Variants in PELI2 observed in about 807,000 individuals in gnomAD.
PELI2 encodes the protein pellino E3 ubiquitin protein ligase family member 2.
PELI2 carries 23 observed loss-of-function variants against 42.3 expected under a neutral mutation model. That is an observed-to-expected ratio of 0.54 (90% CI 0.39 to 0.77). The LOEUF (loss-of-function observed/expected upper bound fraction) is 0.77, where lower values mean the gene tolerates loss of function less well. Ranked by LOEUF, PELI2 falls within the 30% of genes least tolerant of loss-of-function variation. The pLI is 0.00. For missense variants in PELI2, 463 were observed against 553.2 expected, an observed-to-expected ratio of 0.84 and a Z score of 1.64; for synonymous variants, 245 against 212.2, an observed-to-expected ratio of 1.15 and a Z score of -1.34.
chr14:56,248,231 A>G (rs2139809262), intron 2 of PELI2, among the ~76,000 whole-genome samples: 1 of 152,362 alleles, frequency 6.6e-6, no homozygotes, highest in Middle Eastern at 3.4e-3. Context: ...TGCAACGAAC[A>G]TGTCATATGA....
intron 2 of PELI2, among the ~76,000 whole-genome samples, chr14:56,225,821 G>T (rs1453938852): frequency 6.6e-6 from 1 of 152,194 alleles, no homozygotes; most frequent in Non-Finnish European, 1.5e-5. Context: ...CCATGGTCTA[G>T]CATGTCACCA....
intron 1 of PELI2, chr14:56,119,900 G>A (rs1175995614): frequency 9.4e-6 from 9 of 960,378 alleles, no homozygotes; most frequent in African/African-American, 1.8e-5. Flanking sequence ...ATGGCTGTGG[G>A]AAGACTCAGG....
intron 1 of PELI2, 80 bp downstream of exon 1, chr14:56,118,817 C>T: frequency 1.0e-6 from 1 of 977,328 alleles, no homozygotes; most frequent in Non-Finnish European, 1.4e-6. Context: ...GGCGGGGTGG[C>T]TCGGTGCTCT....
intron 2 of PELI2, among the ~76,000 whole-genome samples, chr14:56,253,832 G>A (rs1888434231): frequency 6.6e-6 from 1 of 151,378 alleles, no homozygotes; most frequent in African/African-American, 2.4e-5. Context: ...ACAGAATTGG[G>A]AAAAAAAACT....
intron 2 of PELI2, among the ~76,000 whole-genome samples, chr14:56,276,718 A>G (rs775696251): frequency 1.8e-4 from 27 of 152,184 alleles, no homozygotes; most frequent in Non-Finnish European, 1.9e-4. Flanking sequence ...AGGCCTCCAA[A>G]TCACAGCCCT....
chr14:56,125,851 A>G (rs1011117496), intron 1 of PELI2, among the ~76,000 whole-genome samples: 1 of 151,956 alleles, frequency 6.6e-6, no homozygotes, highest in African/African-American at 2.4e-5. Flanking sequence ...TTTCTGGTGC[A>G]TGTTAGGTAC....
At chr14:56,227,726 A>G (rs766198540) in intron 2 of PELI2, among the ~76,000 whole-genome samples, 2 of 152,234 alleles carry the variant, frequency 1.3e-5, no homozygotes, top group African/African-American at 2.4e-5. Context: ...TCTGCCCAGA[A>G]AGGAACCAGG....
intron 2 of PELI2, among the ~76,000 whole-genome samples, chr14:56,246,269 C>G (rs149783169): frequency 2.6e-5 from 4 of 152,316 alleles, no homozygotes; most frequent in African/African-American, 9.6e-5. Context: ...ACAGCTGTAA[C>G]TGTTACAAGG....
At chr14:56,129,170 C>T (rs992018449) in intron 1 of PELI2, among the ~76,000 whole-genome samples, 2 of 152,202 alleles carry the variant, frequency 1.3e-5, no homozygotes, top group Admixed American at 6.5e-5. Context: ...TTATTGCAGA[C>T]TCTAGGTAGC....
chr14:56,240,324 A>G, intron 2 of PELI2, among the ~76,000 whole-genome samples: 1 of 151,828 alleles, frequency 6.6e-6, no homozygotes, highest in East Asian at 1.9e-4. Context: ...AAGGGGATGG[A>G]CTCCAGAGAT....
Position 56,279,713 on chromosome 14 carries a change from CT to C in PELI2, c.248del (p.Leu83CysfsTer110). Reference sequence around the variant, plus strand: ...AAAGGTCAACACAGTATATCCTACACTTTGTCAAGGAATCAGACTGTGGTGG... The same window carrying C: ...AAAGGTCAACACAGTATATCCTACACTTGTCAAGGAATCAGACTGTGGTGG... Reference protein sequence around the residue: ...SCKGQHSISYTLSRNQTVVVE... With the variant: ...SCKGQHSISYXLSRNQTVVVE... On this transcript the variant is annotated frameshift_variant, in exon 3 of 6. Transcript: ENST00000267460. LOFTEE classifies it high-confidence loss of function. 1 of 1,603,904 alleles carries C rather than the reference CT, an allele frequency of 6.2e-7. No homozygotes were observed. The highest frequency in any genetic ancestry group is 8.5e-7 in the Non-Finnish European group (1 of 1,171,156).
At chr14:56,122,566 T>C (rs1883100949) in intron 1 of PELI2, among the ~76,000 whole-genome samples, 1 of 152,072 alleles carries the variant, frequency 6.6e-6, no homozygotes, top group African/African-American at 2.4e-5. Flanking sequence ...TCCTCTCACC[T>C]CACAGTTGAA....
intron 1 of PELI2, among the ~76,000 whole-genome samples, chr14:56,133,911 A>G (rs901372314): frequency 1.3e-5 from 2 of 152,204 alleles, no homozygotes; most frequent in African/African-American, 4.8e-5. Context: ...TGGAAATATG[A>G]ACATTCTTAT....
intron 3 of PELI2, among the ~76,000 whole-genome samples, chr14:56,285,453 G>A (rs187343560): frequency 6.6e-6 from 1 of 152,222 alleles, no homozygotes; most frequent in African/African-American, 2.4e-5. Context: ...GTGGAGATTG[G>A]GTGTGCCGGT....
chr14:56,299,033 T>C lies in PELI2; in HGVS notation c.*1867T>C, dbSNP rs1382296467. 4 of 152,190 alleles carry C rather than the reference T, an allele frequency of 2.6e-5. No individual in the cohort carries two copies. Among genetic ancestry groups the C allele is most frequent in the Non-Finnish European group, 4.4e-5 (3 of 68,032 alleles). The allele number at this position is 152,190 out of a possible 1,614,324, so 9.4% of individuals were successfully genotyped here. The stretch of plus-strand genomic sequence containing the variant: ...GTCTCTGATGATTAGCTTTCACTGA[T>C]AGAGTATGTCTTTTCAGCCTGTAAT... On this transcript the variant is annotated 3_prime_UTR_variant, in exon 6 of 6. Coordinates refer to ENST00000267460, the MANE Select transcript of PELI2 (RefSeq NM_021255.3).
chr14:56,122,769 A>T (rs897038262), intron 1 of PELI2, among the ~76,000 whole-genome samples: 5 of 152,204 alleles, frequency 3.3e-5, no homozygotes, highest in Non-Finnish European at 7.3e-5. Flanking sequence ...ATTTTCATTC[A>T]CTTATGAGTG....
chr14:56,245,132 TA>T (rs1888105457), intron 2 of PELI2, among the ~76,000 whole-genome samples: 1 of 152,248 alleles, frequency 6.6e-6, no homozygotes, highest in South Asian at 2.1e-4. Context: ...AGGTTTCCAA[TA>T]AATTCCAAGC....
intron 1 of PELI2, 32 bp downstream of exon 1, chr14:56,118,769 G>A (rs1245145505): frequency 4.3e-6 from 6 of 1,410,574 alleles, no homozygotes; most frequent in Admixed American, 2.4e-5. Context: ...CCCGGGCAGC[G>A]GCGCGGGCGG....
chr14:56,173,948 C>G (rs1885273242), intron 1 of PELI2, among the ~76,000 whole-genome samples: 1 of 152,212 alleles, frequency 6.6e-6, no homozygotes, highest in South Asian at 2.1e-4. Context: ...GTCGCCCAGG[C>G]TGGAGTACAG....
Sources: gnomAD v4.1 joint callset for allele counts (sites outside exome capture counted in the v4.1 genomes callset) on GRCh38, gnomAD v4.1.1 for gene constraint, MANE v1.5 for transcripts, NCBI Gene and HGNC (gene_info 2026-07-23, HGNC 2026-07-21) for gene names.